The following TOP6BL variants were observed in gnomAD, a reference collection of about 807,000 sequenced individuals.
TOP6BL encodes type 2 DNA topoisomerase 6 subunit B-like.
chr11:66,772,434 G>A, the TOP6BL span, among the ~76,000 whole-genome samples: 1 of 152,178 alleles, frequency 6.6e-6, no homozygotes, highest in Non-Finnish European at 1.5e-5. Flanking sequence ...TTTTGCCACT[G>A]CACTCCAGCC....
At chr11:66,842,766 G>A in the TOP6BL span, 6 of 1,364,522 alleles carry the variant, frequency 4.4e-6, no homozygotes, top group Middle Eastern at 2.4e-4. Flanking sequence ...CTCGGCGCCC[G>A]TTCTCCCAGG....
the TOP6BL span, among the ~76,000 whole-genome samples, chr11:66,778,235 G>T: frequency 6.6e-6 from 1 of 151,792 alleles, no homozygotes; most frequent in Non-Finnish European, 1.5e-5. Flanking sequence ...CTTCTAGGAT[G>T]AAATTTAGGA....
At chr11:66,813,281 C>T in the TOP6BL span, among the ~76,000 whole-genome samples, 1 of 152,140 alleles carries the variant, frequency 6.6e-6, no homozygotes, top group Non-Finnish European at 1.5e-5. Flanking sequence ...ACCTGTGGTG[C>T]CTTTCAAATC....
chr11:66,788,763 G>A, the TOP6BL span, among the ~76,000 whole-genome samples: 1 of 152,162 alleles, frequency 6.6e-6, no homozygotes, highest in Non-Finnish European at 1.5e-5. Flanking sequence ...TGGTAGAGAT[G>A]TGGTCTTGCT....
At chr11:66,785,846 T>TAA in the TOP6BL span, among the ~76,000 whole-genome samples, 1 of 152,212 alleles carries the variant, frequency 6.6e-6, no homozygotes, top group African/African-American at 2.4e-5. Flanking sequence ...CTATGAGTGT[T>TAA]ACAGTATTAG....
chr11:66,760,228 T>TTGCTTGA, the TOP6BL span, among the ~76,000 whole-genome samples: 3 of 150,930 alleles, frequency 2.0e-5, no homozygotes, highest in Non-Finnish European at 3.0e-5. Context: ...GGCAGGCAGA[T>TTGCTTGA]TACCTAGGTC....
chr11:66,751,272 G>A, the TOP6BL span, among the ~76,000 whole-genome samples: 4 of 152,128 alleles, frequency 2.6e-5, no homozygotes, highest in African/African-American at 9.7e-5. Context: ...TCGGCTGGCT[G>A]CAACCTCTGC....
the TOP6BL span, among the ~76,000 whole-genome samples, chr11:66,829,428 T>G: frequency 6.6e-6 from 1 of 151,798 alleles, no homozygotes; most frequent in Non-Finnish European, 1.5e-5. Flanking sequence ...ATACAAACAT[T>G]AGCCGGTGTG....
At chr11:66,812,094 A>G in the TOP6BL span, among the ~76,000 whole-genome samples, 660 of 152,362 alleles carry the variant, frequency 4.3e-3, 8 homozygotes, top group African/African-American at 0.015. Context: ...AGCTATCTTC[A>G]TATTACAAGT....
chr11:66,761,950 C>A, the TOP6BL span: 1 of 1,552,134 alleles, frequency 6.4e-7, no homozygotes. Context: ...GGGTCTTCAA[C>A]CTTCTGCCCT....
At chr11:66,793,004 T>C in the TOP6BL span, among the ~76,000 whole-genome samples, 1 of 152,238 alleles carries the variant, frequency 6.6e-6, no homozygotes. Flanking sequence ...TTGCAGTTAT[T>C]ATTTAATTAC....
At chr11:66,808,235 C>T in the TOP6BL span, among the ~76,000 whole-genome samples, 1 of 152,310 alleles carries the variant, frequency 6.6e-6, no homozygotes, top group African/African-American at 2.4e-5. Context: ...CAGATATTGA[C>T]TTTAAAAAGT....
At chr11:66,831,351 C>T in the TOP6BL span, among the ~76,000 whole-genome samples, 427 of 152,150 alleles carry the variant, frequency 2.8e-3, 1 homozygote, top group African/African-American at 9.9e-3. Flanking sequence ...TGAGAAACAA[C>T]CCAGTATCAA....
the TOP6BL span, among the ~76,000 whole-genome samples, chr11:66,761,374 AAAAAAAAG>A: frequency 2.0e-5 from 3 of 152,096 alleles, no homozygotes; most frequent in Non-Finnish European, 2.9e-5. Context: ...CTCCGTCTCA[AAAAAAAAG>A]AAAAAAAGAT....
At chr11:66,762,465 CT>C in the TOP6BL span, 9 of 277,224 alleles carry the variant, frequency 3.2e-5, no homozygotes, top group East Asian at 1.4e-4. Context: ...CCAGAGTACC[CT>C]TTTTTGTTTG....
At chr11:66,839,007 A>G in the TOP6BL span, 1 of 398,658 alleles carries the variant, frequency 2.5e-6, no homozygotes. Flanking sequence ...CTGGGATTAC[A>G]GGCGTGAGCC....
At chr11:66,764,347 A>T in the TOP6BL span, among the ~76,000 whole-genome samples, 3 of 151,948 alleles carry the variant, frequency 2.0e-5, no homozygotes, top group Admixed American at 6.6e-5. Flanking sequence ...ATGTCTGTGA[A>T]ATTGCTTTGA....
At chr11:66,782,158 G>A in the TOP6BL span, among the ~76,000 whole-genome samples, 3 of 152,214 alleles carry the variant, frequency 2.0e-5, no homozygotes, top group African/African-American at 7.2e-5. Context: ...CTTTTTTGGG[G>A]TGGGTCTAGA....
chr11:66,786,532 A>G, the TOP6BL span, among the ~76,000 whole-genome samples: 2 of 152,056 alleles, frequency 1.3e-5, no homozygotes, highest in African/African-American at 4.8e-5. Context: ...GAGACTACTG[A>G]AATTGATTTC....
Sources: gnomAD v4.1 joint callset for allele counts (sites outside exome capture counted in the v4.1 genomes callset) on GRCh38, gnomAD v4.1.1 for gene constraint, MANE v1.5 for transcripts, NCBI Gene and HGNC (gene_info 2026-07-23, HGNC 2026-07-21) for gene names.